Variants in KHDRBS3 observed in about 807,000 individuals in gnomAD.
KHDRBS3 encodes KH domain-containing, RNA-binding, signal transduction-associated protein 3.
Under a neutral mutation model 45.6 loss-of-function variants are expected in KHDRBS3, and 23 were observed. That is an observed-to-expected ratio of 0.50 (90% confidence interval 0.36 to 0.72). The LOEUF (loss-of-function observed/expected upper bound fraction) is 0.72. Ranked by LOEUF, KHDRBS3 falls within the 30% of genes least tolerant of loss-of-function variation. The pLI, the probability that KHDRBS3 is intolerant of heterozygous loss-of-function variation, is 0.00. For missense variants in KHDRBS3, 352 were observed against 424.8 expected (o/e 0.83, Z 1.51); for synonymous variants, 162 against 156.5 (o/e 1.04, Z -0.26).
chr8:135,459,049 C>T lies in KHDRBS3; in HGVS notation c.88+1095C>T, dbSNP rs1821284599. ...AACATGATCTGGTCAGATCTGTTACCTTTTGCAGGAATTACTGTGCACTGA... is the reference window on the plus strand; with the variant it reads ...AACATGATCTGGTCAGATCTGTTACTTTTTGCAGGAATTACTGTGCACTGA... On this transcript the variant is annotated intron_variant, in intron 1 of 8. Coordinates refer to ENST00000355849, the MANE Select transcript of KHDRBS3 (RefSeq NM_006558.3). The T allele has an allele frequency of 1.6e-5, 7 of 436,082 alleles. No homozygotes were observed. In the Admixed American group the frequency reaches 1.7e-4, roughly 11 times the overall value. 27.0% of individuals were successfully genotyped at this position (436,082 alleles called of 1,614,324 possible). A position where few individuals can be genotyped will look rare whatever the true frequency, so the allele number is the denominator to read the frequency against.
intron 6 of KHDRBS3, among the ~76,000 whole-genome samples, chr8:135,602,292 G>C (rs1010626143): frequency 3.9e-5 from 6 of 152,076 alleles, no homozygotes; most frequent in African/African-American, 1.4e-4. Context: ...TTCAAGCGTT[G>C]TCCACTGAAC....
At chr8:135,499,002 T>C (rs1463050491) in intron 1 of KHDRBS3, among the ~76,000 whole-genome samples, 1 of 152,216 alleles carries the variant, frequency 6.6e-6, no homozygotes, top group Non-Finnish European at 1.5e-5. Flanking sequence ...TATATACTCT[T>C]AGAATTTACT....
intron 3 of KHDRBS3, among the ~76,000 whole-genome samples, chr8:135,543,098 G>C (rs2130776045): frequency 6.6e-6 from 1 of 152,238 alleles, no homozygotes; most frequent in South Asian, 2.1e-4. Context: ...TTGCATTTTA[G>C]ATTAGTGTTT....
intron 2 of KHDRBS3, among the ~76,000 whole-genome samples, chr8:135,524,077 G>A (rs993786863): frequency 2.6e-5 from 4 of 151,796 alleles, no homozygotes; most frequent in East Asian, 1.9e-4. Flanking sequence ...GTGCAGTCAC[G>A]CGACCTTGAC....
At chr8:135,634,451 A>C (rs1830728012) in intron 7 of KHDRBS3, among the ~76,000 whole-genome samples, 2 of 152,210 alleles carry the variant, frequency 1.3e-5, no homozygotes, top group African/African-American at 4.8e-5. Context: ...ATTAAACTAT[A>C]AATTTGGTTT....
chr8:135,521,055 G>A (rs556994533), intron 1 of KHDRBS3, among the ~76,000 whole-genome samples, 182 bp from the exon 2 acceptor site: 2 of 152,134 alleles, frequency 1.3e-5, no homozygotes, highest in African/African-American at 2.4e-5. Context: ...CATGATACAT[G>A]CATTTATTCC....
intron 4 of KHDRBS3, among the ~76,000 whole-genome samples, chr8:135,554,921 T>C (rs1826798402): frequency 6.6e-6 from 1 of 152,190 alleles, no homozygotes; most frequent in South Asian, 2.1e-4. Flanking sequence ...GTTTCTTCTG[T>C]CTTAAAATCC....
chr8:135,490,550 G>T (rs995289224), intron 1 of KHDRBS3, among the ~76,000 whole-genome samples: 3 of 151,998 alleles, frequency 2.0e-5, no homozygotes, highest in Non-Finnish European at 2.9e-5. Flanking sequence ...GTGGACAGTT[G>T]GTTATCAATA....
At chr8:135,557,388 C>A in intron 4 of KHDRBS3, 60 bp from the exon 5 acceptor site, 1 of 1,064,770 alleles carries the variant, frequency 9.4e-7, no homozygotes, top group Non-Finnish European at 1.3e-6. Flanking sequence ...GCTTTTTGTT[C>A]TAAATATTTT....
intron 5 of KHDRBS3, 109 bp downstream of exon 5, chr8:135,557,696 G>A: frequency 1.2e-6 from 1 of 820,238 alleles, no homozygotes. Context: ...ATTCATGTGG[G>A]CATGGTGGCA....
Position 135,547,027 on chromosome 8 carries a change from GTGTT to G in KHDRBS3, c.325-1721_325-1718del, listed in dbSNP as rs1399199506. On this transcript the variant is annotated intron_variant, in intron 3 of 8. Coordinates refer to ENST00000355849, the MANE Select transcript of KHDRBS3 (RefSeq NM_006558.3). Reference sequence around the variant, plus strand: ...TTGATACTCTATTAGAAAAGGATAAGTGTTTGTTTCAATAATTTGTGCTTTCAGG... The same window carrying G: ...TTGATACTCTATTAGAAAAGGATAAGTGTTTCAATAATTTGTGCTTTCAGG... Among the ~76,000 whole-genome samples, 26 of 152,260 alleles carry G rather than the reference GTGTT, an allele frequency of 1.7e-4. 1 individual carries two copies. The highest frequency in any genetic ancestry group is 5.8e-4 in the East Asian group (3 of 5,170).
intron 1 of KHDRBS3, among the ~76,000 whole-genome samples, chr8:135,485,180 CTG>C (rs1236626751): frequency 1.8e-5 from 2 of 109,578 alleles, no homozygotes; most frequent in African/African-American, 8.0e-5. Flanking sequence ...AATATCAACT[CTG>C]TGTAAACAGC....
chr8:135,569,886 C>T (rs1260548766), intron 5 of KHDRBS3, among the ~76,000 whole-genome samples: 1 of 152,116 alleles, frequency 6.6e-6, no homozygotes, highest in Non-Finnish European at 1.5e-5. Flanking sequence ...TGTCTTTTTA[C>T]TCCTAACACC....
intron 2 of KHDRBS3, among the ~76,000 whole-genome samples, chr8:135,530,981 C>T (rs1438161644): frequency 3.3e-5 from 5 of 152,148 alleles, no homozygotes; most frequent in Admixed American, 3.3e-4. Context: ...ATATCATTCA[C>T]CCCACTTGTA....
At chr8:135,600,265 A>G (rs1829149083) in intron 6 of KHDRBS3, among the ~76,000 whole-genome samples, 1 of 152,204 alleles carries the variant, frequency 6.6e-6, no homozygotes, top group African/African-American at 2.4e-5. Flanking sequence ...TTTGCATTCT[A>G]GGTGTATAAT....
chr8:135,524,132 C>A (rs991652504), intron 2 of KHDRBS3, among the ~76,000 whole-genome samples: 1 of 152,100 alleles, frequency 6.6e-6, no homozygotes, highest in African/African-American at 2.4e-5. Context: ...TCTCATGCCC[C>A]AGTCTCCCGA....
intron 1 of KHDRBS3, among the ~76,000 whole-genome samples, chr8:135,501,952 T>C (rs375119984): frequency 5.9e-5 from 9 of 152,224 alleles, no homozygotes; most frequent in African/African-American, 1.9e-4. Flanking sequence ...ATTGAAGCCT[T>C]TTAATTTGCT....
At chr8:135,523,252 G>A (rs1825008929) in intron 2 of KHDRBS3, among the ~76,000 whole-genome samples, 1 of 152,140 alleles carries the variant, frequency 6.6e-6, no homozygotes, top group African/African-American at 2.4e-5. Context: ...CAATTTGTGG[G>A]AGATTTGACA....
intron 7 of KHDRBS3, among the ~76,000 whole-genome samples, chr8:135,609,234 C>T (rs1159045586): frequency 6.6e-6 from 1 of 151,922 alleles, no homozygotes; most frequent in Non-Finnish European, 1.5e-5. Context: ...ATACATTGTA[C>T]AGCTGTACAA....
Sources: allele counts gnomAD v4.1 joint callset (sites outside exome capture counted in the v4.1 genomes callset), GRCh38; gene constraint gnomAD v4.1.1; transcripts MANE v1.5; gene names NCBI Gene and HGNC (gene_info 2026-07-23, HGNC 2026-07-21).